Variants in EPHA3 observed in about 807,000 individuals in gnomAD.
EPHA3 encodes ephrin type-A receptor 3.
In EPHA3, 42 loss-of-function variants were observed where a neutral mutation model predicts 107.1. The observed-to-expected ratio is 0.39, with a 90% CI of 0.31 to 0.51. The LOEUF is 0.51. Ranked by LOEUF, EPHA3 falls within the 20% of genes least tolerant of loss-of-function variation. The pLI is 0.78. For synonymous variants in EPHA3, 461 were observed against 424.8 expected, an observed-to-expected ratio of 1.09 and a Z score of -1.05; for missense variants, 1,183 against 1,211.2, an observed-to-expected ratio of 0.98 and a Z score of 0.35.
chr3:89,420,623 G>A (rs541926542), intron 11 of EPHA3, among the ~76,000 whole-genome samples: 40 of 151,378 alleles, frequency 2.6e-4, no homozygotes, highest in Non-Finnish European at 5.5e-4. Flanking sequence ...GGCATAATTA[G>A]TAAGGATTGG....
chr3:89,294,514 A>G (rs1196464501), intron 3 of EPHA3, among the ~76,000 whole-genome samples: 1 of 140,522 alleles, frequency 7.1e-6, no homozygotes, highest in Non-Finnish European at 1.5e-5. Flanking sequence ...ACACACACAC[A>G]CAGAAGATGA....
chr3:89,340,820 T>A, intron 3 of EPHA3, 96 bp from the exon 4 acceptor site: 1 of 1,266,886 alleles, frequency 7.9e-7, no homozygotes, highest in Non-Finnish European at 1.0e-6. Context: ...TGATTTTTAT[T>A]TATAATAAAT....
In EPHA3 at chr3:89,363,549, G is replaced by A. The variant is rs531906176; in HGVS notation, c.1306+21459G>A. Among the ~76,000 whole-genome samples the A allele has an allele frequency of 2.0e-3, 297 of 150,832 alleles. 12 individuals carry two copies. The highest frequency in any genetic ancestry group is 1.5e-3 in the Non-Finnish European group (104 of 67,324). On this transcript the variant is annotated intron_variant, in intron 5 of 16. Coordinates refer to ENST00000336596, the MANE Select transcript of EPHA3 (RefSeq NM_005233.6). ...AATCTGCTTTACTCAAAAGTGTGCC[G>A]ATTTAAATGTTAATATCATCTGAAA...
At chr3:89,317,458 A>C (rs1268804459) in intron 3 of EPHA3, among the ~76,000 whole-genome samples, 1 of 151,778 alleles carries the variant, frequency 6.6e-6, no homozygotes, top group Non-Finnish European at 1.5e-5. Context: ...AGAGGGATAA[A>C]GCAAAGTAGC....
At chr3:89,407,128 C>T (rs189922014) in intron 7 of EPHA3, 141 bp from the exon 8 acceptor site, 5 of 603,478 alleles carry the variant, frequency 8.3e-6, no homozygotes, top group Non-Finnish European at 1.4e-5. Flanking sequence ...AGAATACTTT[C>T]AACATTGTAT....
rs1342792483 is a variant in EPHA3, at chr3:89,450,449, C to G, written c.2690+79C>G. The stretch of plus-strand genomic sequence containing the variant: ...CTCCAAGATGTTAATTTTTTTAGCC[C>G]ACCCCCAAAATGCATTATTTGAAGC... On this transcript the variant is annotated intron_variant, in intron 15 of 16. Transcript: ENST00000336596. 6 of 1,416,658 alleles carry G rather than the reference C, an allele frequency of 4.2e-6. No individual in the cohort carries two copies. In the East Asian group the frequency reaches 9.3e-5, roughly 22 times the overall value. The allele number at this position is 1,416,658 out of a possible 1,614,324, so 87.8% of individuals were successfully genotyped here.
intron 2 of EPHA3, among the ~76,000 whole-genome samples, chr3:89,133,667 G>C (rs1427704381): frequency 6.6e-6 from 1 of 152,122 alleles, no homozygotes; most frequent in African/African-American, 2.4e-5. Context: ...TTTGTGCAAC[G>C]TGTCATTGGG....
chr3:89,427,868 T>C (rs1483861567), intron 11 of EPHA3, among the ~76,000 whole-genome samples: 1 of 151,956 alleles, frequency 6.6e-6, no homozygotes, highest in African/African-American at 2.4e-5. Flanking sequence ...AAAAAAAAAT[T>C]ACCAGTATTT....
At chr3:89,393,383 A>G (rs1708782900) in intron 5 of EPHA3, among the ~76,000 whole-genome samples, 1 of 152,164 alleles carries the variant, frequency 6.6e-6, no homozygotes, top group African/African-American at 2.4e-5. Flanking sequence ...ACAGCCCACA[A>G]AGCTTTCATG....
In EPHA3 at chr3:89,448,595, T is replaced by C. The variant is rs193011190; in HGVS notation, c.2347-630T>C. On this transcript the variant is annotated intron_variant, in intron 13 of 16. Transcript: ENST00000336596. ...ATAAGTTCTGGGAATGTAATTATTA[T>C]GTCTATCTAATTTATATGGTGCTTG... Among the ~76,000 whole-genome samples, 11 of 152,330 alleles carry C rather than the reference T, an allele frequency of 7.2e-5. No homozygotes were observed. In the East Asian group the frequency reaches 1.9e-3, roughly 27 times the overall value.
chr3:89,345,098 C>T (rs1707613569), intron 5 of EPHA3, among the ~76,000 whole-genome samples: 1 of 150,788 alleles, frequency 6.6e-6, no homozygotes, highest in Non-Finnish European at 1.5e-5. Context: ...AACAATCATT[C>T]CACTAGTGGA....
At chr3:89,282,319 T>C (rs1433076680) in intron 3 of EPHA3, among the ~76,000 whole-genome samples, 1 of 152,172 alleles carries the variant, frequency 6.6e-6, no homozygotes, top group African/African-American at 2.4e-5. Flanking sequence ...GCACATACTA[T>C]ATGCCAGACT....
chr3:89,366,807 T>C (rs1431602185), intron 5 of EPHA3, among the ~76,000 whole-genome samples: 1 of 150,370 alleles, frequency 6.7e-6, no homozygotes, highest in African/African-American at 2.4e-5. Context: ...TGGGGAATTG[T>C]TGTTCACTTT....
intron 2 of EPHA3, among the ~76,000 whole-genome samples, chr3:89,199,128 AAGAC>A (rs1326401263): frequency 2.6e-5 from 4 of 152,204 alleles, no homozygotes; most frequent in African/African-American, 9.6e-5. Flanking sequence ...TATGATTAGA[AAGAC>A]AGAGTGAGAA....
At chr3:89,409,673 T>C (rs754205997) in intron 9 of EPHA3, among the ~76,000 whole-genome samples, 1 of 152,120 alleles carries the variant, frequency 6.6e-6, no homozygotes, top group Non-Finnish European at 1.5e-5. Context: ...TATATGCATG[T>C]CATAAACTTT....
chr3:89,245,006 G>A (rs1704999928), intron 3 of EPHA3, among the ~76,000 whole-genome samples: 2 of 152,196 alleles, frequency 1.3e-5, no homozygotes, highest in African/African-American at 2.4e-5. Flanking sequence ...GTGTATTGCA[G>A]AAAGGGTAAG....
rs1392909771 is a variant in EPHA3 at position 89,479,415 on chromosome 3, T to C, written c.2865T>C (p.Gly955=). 1 of 1,614,134 alleles carries C rather than the reference T, an allele frequency of 6.2e-7. No individual in the cohort carries two copies. The highest frequency in any genetic ancestry group is 8.5e-7 in the Non-Finnish European group (1 of 1,179,956). ...TTTACAGTGACATGAAAAAGGTTGG[T>C]GTCACCGTGGTTGGGCCACAGAAGA... The part of the protein sequence containing the change: ...KISTDDMKKV[G]VTVVGPQKKI... The change falls in exon 17 of 17, where the codon GGT becomes GGC. Residue 955 remains glycine, a synonymous_variant. Transcript: ENST00000336596.
chr3:89,367,471 T>G (rs1462349577), intron 5 of EPHA3, among the ~76,000 whole-genome samples: 1 of 150,684 alleles, frequency 6.6e-6, no homozygotes, highest in Non-Finnish European at 1.5e-5. Context: ...TATCCATGTT[T>G]GCTGAACTCT....
At chr3:89,351,226 C>T (rs1490310555) in intron 5 of EPHA3, among the ~76,000 whole-genome samples, 2 of 151,254 alleles carry the variant, frequency 1.3e-5, no homozygotes, top group Admixed American at 6.6e-5. Context: ...CTCGCTGCTG[C>T]CTTGCAGTTT....
Sources: gnomAD v4.1 joint callset for allele counts (sites outside exome capture counted in the v4.1 genomes callset) on GRCh38, gnomAD v4.1.1 for gene constraint, MANE v1.5 for transcripts, NCBI Gene and HGNC (gene_info 2026-07-23, HGNC 2026-07-21) for gene names.